KMT2B: variants seen among roughly 807,000 people sequenced by gnomAD.
The protein encoded by KMT2B is histone-lysine N-methyltransferase 2B.
In KMT2B, 22 loss-of-function variants were observed where a neutral mutation model predicts 255.3. The observed-to-expected ratio is 0.09, with a 90% CI of 0.06 to 0.12. The LOEUF (loss-of-function observed/expected upper bound fraction) is 0.12, where lower values mean the gene tolerates loss of function less well. Among genes scored for constraint, KMT2B ranks in the 10% least tolerant of loss-of-function variants. The pLI is 1.00. For missense variants in KMT2B, 3,149 were observed against 3,737.0 expected (o/e 0.84, Z 4.10); for synonymous variants, 1,730 against 1,498.1 (o/e 1.15, Z -3.57).
chr19:35,736,085 T>TA (rs1969905982), intron 30 of KMT2B: 1 of 153,436 alleles, frequency 6.5e-6, no homozygotes, highest in South Asian at 2.0e-4. Context: ...ACACCATCTG[T>TA]ACTGAAAATA....
rs764364739 is a variant in KMT2B, at chr19:35,722,551, T to A, written c.2572-17T>A. The stretch of plus-strand genomic sequence containing the variant: ...GGGAGCGCAAGCTGCCCACACACAC[T>A]CCGATTTCTCCCCCAGGGTCCCGAG... On this transcript the variant is annotated splice_polypyrimidine_tract_variant and intron_variant, in intron 4 of 36. Transcript: ENST00000420124. 1 of 1,597,370 alleles carries A rather than the reference T, an allele frequency of 6.3e-7. No individual in the cohort carries two copies. Among genetic ancestry groups the A allele is most frequent in the Non-Finnish European group, 8.5e-7 (1 of 1,173,712 alleles).
In KMT2B at chr19:35,721,750, G is replaced by A. The variant is rs1456729272; in HGVS notation, c.2403G>A (p.Val801=). ...KMFSLLKRAK[V]QLFKIDQQQQ... is the part of the protein sequence containing the mutation. The stretch of plus-strand genomic sequence containing the variant: ...TCAGCCTCCTCAAGAGAGCCAAAGT[G>A]CAGCTATTCAAGATCGATCAGCAGC... The change falls in exon 3 of 37, where the codon GTG becomes GTA. Residue 801 remains valine (V), a synonymous_variant. Transcript: ENST00000420124. 4.3e-6 allele frequency: 7 copies of A among 1,609,564 alleles called. No individual in the cohort carries two copies. The highest frequency in any genetic ancestry group is 2.2e-5 in the East Asian group (1 of 44,698).
rs1366622434 is a variant in KMT2B, at chr19:35,720,081, T to G, written c.734T>G (p.Val245Gly). 1.2e-6 allele frequency: 2 copies of G among 1,605,906 alleles called. No individual in the cohort carries two copies. The highest frequency in any genetic ancestry group is 3.4e-5 in the Admixed American group (2 of 58,506). ...GCAGTAGTGGTGGCAGAAGCAGCTG[T>G]GACAATCCCCAAACCTGAGCCCCCA... ...QQAVVVAEAA[V>G]TIPKPEPPPP... Residue 245 changes from valine (V) to glycine (G), a missense_variant, in exon 3 of 37, where the codon GTG (valine) becomes GGG (glycine). Transcript: ENST00000420124.
At position 35,733,105 on chromosome 19, in the gene KMT2B, C is replaced by G. The variant is rs1131691790; in HGVS notation, c.6556C>G (p.Pro2186Ala). 8 of 1,580,688 alleles carry G rather than the reference C, an allele frequency of 5.1e-6. No individual in the cohort carries two copies. Among genetic ancestry groups the G allele is most frequent in the Non-Finnish European group, 6.9e-6 (8 of 1,162,120 alleles). The change falls in exon 28 of 37, where the codon CCC (proline) becomes GCC (alanine). Residue 2186 changes from proline to alanine, a missense_variant. By Grantham distance (27) the Pro-to-Ala change is conservative. Coordinates refer to ENST00000420124, the MANE Select transcript of KMT2B (RefSeq NM_014727.3). The surrounding 1 kb of genome is among the most constrained non-coding windows in gnomAD (Gnocchi z 4.3). ...TGGCCCTGCCCCTGAGCCCCCCAAA[C>G]CCGCCACATCCAAAATCATACTTGT... The part of the protein sequence containing the change: ...SLGPAPEPPK[P>A]ATSKIILVNK...
At position 35,728,079 on chromosome 19, in the gene KMT2B, C is replaced by G. The variant is rs368366219; in HGVS notation, c.4498-19C>G. ...CCTGGGGAAGCTGGCTCTTCTCATC[C>G]TGTTAACCCACTCCCCAGCTGCTAG... On this transcript the variant is annotated intron_variant, in intron 18 of 36. Transcript: ENST00000420124. The G allele has an allele frequency of 1.2e-5, 19 of 1,586,768 alleles. No individual in the cohort carries two copies. The highest frequency in any genetic ancestry group is 1.6e-5 in the Non-Finnish European group (19 of 1,166,908).
At chr19:35,730,276 C>A (rs1292232535) in intron 23 of KMT2B, 66 bp from the exon 24 acceptor site, 2 of 1,603,458 alleles carry the variant, frequency 1.2e-6, no homozygotes, top group African/African-American at 2.7e-5. Flanking sequence ...CCTGACTGTT[C>A]AGACTTCCCT....
chr19:35,732,534 C>T lies in KMT2B; in HGVS notation c.5985C>T (p.Ala1995=), dbSNP rs1969746275. Residue 1995 remains alanine (A), a synonymous_variant, in exon 28 of 37, where the codon GCC becomes GCT. Transcript: ENST00000420124. ...GTGCTGCTGACCTGGACTTCGCGGC[C>T]AGCCTGCTGGGGACTGAGCCCTTCC... ...GLSAADLDFA[A]SLLGTEPFQE... The T allele has an allele frequency of 6.2e-7, 1 of 1,613,818 alleles. No individual in the cohort carries two copies. The highest frequency in any genetic ancestry group is 1.3e-5 in the African/African-American group (1 of 74,930).
chr19:35,720,999 C>T lies in KMT2B; in HGVS notation c.1652C>T (p.Pro551Leu). The T allele has an allele frequency of 6.2e-7, 1 of 1,610,140 alleles. No individual in the cohort carries two copies. The highest frequency in any genetic ancestry group is 8.5e-7 in the Non-Finnish European group (1 of 1,178,622). Residue 551 changes from proline to leucine, a missense_variant, in exon 3 of 37, where the codon CCC becomes CTC. Physicochemically the swap from Pro to Leu is moderately conservative, Grantham distance 98 (BLOSUM62 -3). Transcript: ENST00000420124. ...KTPRRFMDED[P>L]PKPPKVEVSP... ...CCCCGGCGATTTATGGATGAAGACCCCCCCAAACCCCCAAAGGTGGAGGTC... is the reference window on the plus strand; with the variant it reads ...CCCCGGCGATTTATGGATGAAGACCTCCCCAAACCCCCAAAGGTGGAGGTC...
At position 35,730,586 on chromosome 19, in the gene KMT2B, G is replaced by T. The variant is rs1308907821; in HGVS notation, c.5246G>T (p.Cys1749Phe). The change falls in exon 25 of 37, where the codon TGC (cysteine) becomes TTC (phenylalanine). Residue 1749 changes from cysteine to phenylalanine, a missense_variant. Transcript: ENST00000420124. Reference sequence around the variant, plus strand: ...GGTACTCTGTCTGATCTCTCGGACTGCGAGGGACGGCTCTTCCCCATTGGC... The same window carrying T: ...GGTACTCTGTCTGATCTCTCGGACTTCGAGGGACGGCTCTTCCCCATTGGC... ...SLGTLSDLSD[C>F]EGRLFPIGYQ... 3 of 1,613,892 alleles carry T rather than the reference G, an allele frequency of 1.9e-6. No homozygotes were observed. The highest frequency in any genetic ancestry group is 1.3e-5 in the African/African-American group (1 of 74,920).
Position 35,721,726 on chromosome 19 carries a change from C to T in KMT2B, c.2379C>T (p.Phe793=). ...LPLSGVEEKM[F]SLLKRAKVQL... is the part of the protein sequence containing the mutation. Reference sequence around the variant, plus strand: ...TGTCTGGGGTAGAGGAGAAGATGTTCAGCCTCCTCAAGAGAGCCAAAGTGC... The same window carrying T: ...TGTCTGGGGTAGAGGAGAAGATGTTTAGCCTCCTCAAGAGAGCCAAAGTGC... Residue 793 remains phenylalanine (F), a synonymous_variant, in exon 3 of 37, where the codon TTC becomes TTT. Transcript: ENST00000420124. 1 of 1,610,472 alleles carries T rather than the reference C, an allele frequency of 6.2e-7. No homozygotes were observed. Among genetic ancestry groups the T allele is most frequent in the Non-Finnish European group, 8.5e-7 (1 of 1,178,322 alleles).
chr19:35,721,131 C>A lies in KMT2B; in HGVS notation c.1784C>A (p.Pro595Gln). 6.2e-7 allele frequency: 1 copy of A among 1,607,272 alleles called. No individual in the cohort carries two copies. Among genetic ancestry groups the A allele is most frequent in the East Asian group, 2.3e-5 (1 of 44,342 alleles). Reference sequence around the variant, plus strand: ...CCAACTCCTCCATCTACCCCAGTTCCACTCCCTGAGAAGAGACGGTCCATC... The same window carrying A: ...CCAACTCCTCCATCTACCCCAGTTCAACTCCCTGAGAAGAGACGGTCCATC... ...RAPTPPSTPV[P>Q]LPEKRRSILR... The change falls in exon 3 of 37, where the codon CCA becomes CAA. Residue 595 changes from proline to glutamine, a missense_variant. Physicochemically the swap from Pro to Gln is moderately conservative, Grantham distance 76 (BLOSUM62 -1). Around this residue, in one of 18 missense-constraint regions of KMT2B, gnomAD observed 1,188 missense variants for 1,106.4 expected, o/e 1.07. Transcript: ENST00000420124.
At chr19:35,728,457 T>C (rs1458469432) in intron 19 of KMT2B, among the ~76,000 whole-genome samples, 2 of 150,550 alleles carry the variant, frequency 1.3e-5, no homozygotes, top group African/African-American at 2.5e-5. Context: ...ACCCAGATGG[T>C]CAGGGCAGTG....
At chr19:35,736,585 C>A in intron 30 of KMT2B, 105 bp from the exon 31 acceptor site, 1 of 1,343,610 alleles carries the variant, frequency 7.4e-7, no homozygotes, top group South Asian at 1.3e-5. Flanking sequence ...TCTGTGTCTG[C>A]GCCTAGGGGT....
chr19:35,730,677 G>A lies in KMT2B; in HGVS notation c.5277-30G>A. On this transcript the variant is annotated intron_variant, in intron 25 of 36. Coordinates refer to ENST00000420124, the MANE Select transcript of KMT2B (RefSeq NM_014727.3). Reference sequence around the variant, plus strand: ...TCCATAGCTGGATCCCATTTCCCAAGCATCCTAACCGTCTTATCCCACATG... The same window carrying A: ...TCCATAGCTGGATCCCATTTCCCAAACATCCTAACCGTCTTATCCCACATG... 3.1e-6 allele frequency: 5 copies of A among 1,613,924 alleles called. No homozygotes were observed. In the South Asian group the frequency reaches 5.5e-5, roughly 18 times the overall value.
intron 19 of KMT2B, 104 bp from the exon 20 acceptor site, chr19:35,728,666 TAGAG>T (rs900131179): frequency 2.6e-5 from 20 of 773,082 alleles, no homozygotes; most frequent in African/African-American, 2.4e-4. Context: ...AAATTCCACA[TAGAG>T]AGGGAGTAGC....
At position 35,727,054 on chromosome 19, in the gene KMT2B, G is replaced by C; in HGVS notation, c.4004-102G>C. 1 of 734,476 alleles carries C rather than the reference G, an allele frequency of 1.4e-6. No individual in the cohort carries two copies. The highest frequency in any genetic ancestry group is 2.3e-6 in the Non-Finnish European group (1 of 436,480). The allele number at this position is 734,476 out of a possible 1,614,324, so 45.5% of individuals were successfully genotyped here. ...GGACTAGTAGGGGCCCAAAACAGGGGCATAGTGGAGGCAGCTAAGGTACTG... is the reference window on the plus strand; with the variant it reads ...GGACTAGTAGGGGCCCAAAACAGGGCCATAGTGGAGGCAGCTAAGGTACTG... On this transcript the variant is annotated intron_variant, in intron 14 of 36. Transcript: ENST00000420124. The surrounding 1 kb of genome is among the most constrained non-coding windows in gnomAD (Gnocchi z 4.2).
Position 35,723,797 on chromosome 19 carries a change from C to A in KMT2B, c.3124C>A (p.Pro1042Thr). The A allele has an allele frequency of 6.3e-7, 1 of 1,588,546 alleles. No individual in the cohort carries two copies. The highest frequency in any genetic ancestry group is 8.6e-7 in the Non-Finnish European group (1 of 1,166,746). ...SDESPEASPG[P>T]PGPRRGAGAG... Reference sequence around the variant, plus strand: ...TGAATCTCCTGAGGCCTCCCCTGGTCCTCCAGGCCCACGCCGGGGGGCGGG... The same window carrying A: ...TGAATCTCCTGAGGCCTCCCCTGGTACTCCAGGCCCACGCCGGGGGGCGGG... The change falls in exon 8 of 37, where the codon CCT becomes ACT. Residue 1042 changes from proline (P) to threonine (T), a missense_variant. By Grantham distance (38) the Pro-to-Thr change is conservative. Around this residue, in one of 18 missense-constraint regions of KMT2B, gnomAD observed 50 missense variants for 71.9 expected, o/e 0.70. Coordinates refer to ENST00000420124, the MANE Select transcript of KMT2B (RefSeq NM_014727.3). The surrounding 1 kb of genome is among the most constrained non-coding windows in gnomAD (Gnocchi z 7.5).
intron 8 of KMT2B, 116 bp downstream of exon 8, chr19:35,724,123 G>A: frequency 1.0e-6 from 1 of 993,080 alleles, no homozygotes; most frequent in Non-Finnish European, 1.4e-6. Context: ...GAAGGTGGCT[G>A]AGGGCGGAGG....
chr19:35,722,561 C>A lies in KMT2B; in HGVS notation c.2572-7C>A. On this transcript the variant is annotated splice_polypyrimidine_tract_variant and splice_region_variant and intron_variant, in intron 4 of 36. Coordinates refer to ENST00000420124, the MANE Select transcript of KMT2B (RefSeq NM_014727.3). Reference sequence around the variant, plus strand: ...GCTGCCCACACACACTCCGATTTCTCCCCCAGGGTCCCGAGTCCCCTGTGC... The same window carrying A: ...GCTGCCCACACACACTCCGATTTCTACCCCAGGGTCCCGAGTCCCCTGTGC... 1 of 1,599,706 alleles carries A rather than the reference C, an allele frequency of 6.3e-7. No individual in the cohort carries two copies.
Sources: gnomAD v4.1 joint callset for allele counts (sites outside exome capture counted in the v4.1 genomes callset) on GRCh38, gnomAD v4.1.1 for gene constraint, gnomAD v4.1.1 regional missense constraint, Gnocchi (gnomAD v3.1) non-coding constraint, MANE v1.5 for transcripts, NCBI Gene and HGNC (gene_info 2026-07-23, HGNC 2026-07-21) for gene names.